TMEM163: variants seen among roughly 807,000 people sequenced by gnomAD.
TMEM163 encodes transmembrane protein 163.
TMEM163 carries 17 observed loss-of-function variants against 29.3 expected under a neutral mutation model. The ratio of observed to expected loss-of-function variants is 0.58; its 90% confidence interval spans 0.40 to 0.87. The LOEUF is 0.87. Ranked by LOEUF, TMEM163 falls within the 40% of genes least tolerant of loss-of-function variation. TMEM163 has a pLI of 0.00. For missense variants in TMEM163, 303 were observed against 381.5 expected (o/e 0.79, Z 1.71); for synonymous variants, 157 against 160.6 (o/e 0.98, Z 0.17).
Position 134,529,509 on chromosome 2 carries a change from G to A in TMEM163, c.458+21061C>T, listed in dbSNP as rs1333913075. Among the ~76,000 whole-genome samples, 5 of 151,664 alleles carry A rather than the reference G, an allele frequency of 3.3e-5. No homozygotes were observed. The East Asian group carries it at 9.8e-4, about 30-fold the overall frequency. On this transcript the variant is annotated intron_variant, in intron 4 of 7. Coordinates refer to ENST00000281924, the MANE Select transcript of TMEM163 (RefSeq NM_030923.5). ...CACATCTGTAATTCAGCACTTTGGG[G>A]GGTCAAGGCAGGTGGAATGATCTGA...
intron 2 of TMEM163, among the ~76,000 whole-genome samples, chr2:134,637,824 T>A (rs1401765228): frequency 6.6e-6 from 1 of 152,206 alleles, no homozygotes; most frequent in Non-Finnish European, 1.5e-5. Context: ...ATTAGAAGTG[T>A]TTTGGGTCTT....
chr2:134,551,903 T>C (rs1680937512), intron 3 of TMEM163, 145 bp downstream of exon 3: 1 of 637,162 alleles, frequency 1.6e-6, no homozygotes, highest in South Asian at 2.1e-5. Context: ...TTTTCATTTT[T>C]TAATAGAAGT....
At chr2:134,617,666 G>A (rs989049767) in intron 2 of TMEM163, among the ~76,000 whole-genome samples, 1 of 102,588 alleles carries the variant, frequency 9.7e-6, no homozygotes, top group Non-Finnish European at 2.0e-5. Context: ...AATATACAAA[G>A]CAATACAGAA....
At chr2:134,483,131 C>G (rs537284888) in intron 5 of TMEM163, among the ~76,000 whole-genome samples, 3 of 152,326 alleles carry the variant, frequency 2.0e-5, no homozygotes, top group Non-Finnish European at 4.4e-5. Context: ...GCTGCCTCTT[C>G]CAAGACATAG....
chr2:134,718,771 G>C lies in TMEM163; in HGVS notation c.165C>G (p.Ser55Arg). 2 of 1,154,030 alleles carry C rather than the reference G, an allele frequency of 1.7e-6. No homozygotes were observed. The highest frequency in any genetic ancestry group is 2.1e-6 in the Non-Finnish European group (2 of 938,254). 71.5% of individuals were successfully genotyped at this position (1,154,030 alleles called of 1,614,324 possible). A position where few individuals can be genotyped will look rare whatever the true frequency, so the allele number is the denominator to read the frequency against. The change falls in exon 1 of 8, where the codon AGC becomes AGG. Residue 55 changes from serine (S) to arginine (R), a missense_variant. Transcript: ENST00000281924. ...QLEEERQVRI[S>R]ESGQFSDGLE... ...GCCCGTCGCTGAACTGGCCGCTCTCGCTGATCCGCACCTGCCGCTCCTCCT... is the reference window on the plus strand; with the variant it reads ...GCCCGTCGCTGAACTGGCCGCTCTCCCTGATCCGCACCTGCCGCTCCTCCT...
At chr2:134,681,429 C>G (rs1460938263) in intron 2 of TMEM163, among the ~76,000 whole-genome samples, 1 of 152,202 alleles carries the variant, frequency 6.6e-6, no homozygotes, top group Non-Finnish European at 1.5e-5. Flanking sequence ...CAACCACTGG[C>G]AATTGCCCAG....
chr2:134,673,823 A>G (rs1309607502), intron 2 of TMEM163, among the ~76,000 whole-genome samples: 1 of 152,220 alleles, frequency 6.6e-6, no homozygotes, highest in Non-Finnish European at 1.5e-5. Flanking sequence ...ACTTTAGCCT[A>G]CTGAGGCTGA....
intron 5 of TMEM163, among the ~76,000 whole-genome samples, chr2:134,476,234 A>G (rs1686909383): frequency 1.3e-5 from 2 of 152,236 alleles, no homozygotes. Flanking sequence ...ACAAGAGACT[A>G]AATACTGAAC....
At chr2:134,483,436 G>T (rs1413646388) in intron 5 of TMEM163, among the ~76,000 whole-genome samples, 2 of 152,078 alleles carry the variant, frequency 1.3e-5, no homozygotes, top group African/African-American at 4.8e-5. Context: ...CCCTGCATTG[G>T]TATGAACACC....
intron 2 of TMEM163, among the ~76,000 whole-genome samples, chr2:134,613,970 G>C (rs1004255590): frequency 2.0e-5 from 3 of 152,006 alleles, no homozygotes; most frequent in African/African-American, 4.8e-5. Context: ...TGTAGATATA[G>C]ACAGGTTATT....
At chr2:134,662,696 A>T (rs1403861140) in intron 2 of TMEM163, among the ~76,000 whole-genome samples, 3 of 152,212 alleles carry the variant, frequency 2.0e-5, no homozygotes, top group Non-Finnish European at 4.4e-5. Flanking sequence ...ATCCCTTGAC[A>T]TTGCTGACCT....
chr2:134,592,811 AC>A (rs1388708300), intron 2 of TMEM163, among the ~76,000 whole-genome samples: 8 of 151,304 alleles, frequency 5.3e-5, no homozygotes, highest in South Asian at 4.2e-4. Flanking sequence ...AGATAGATAG[AC>A]TATCTCTCCC....
At chr2:134,639,815 T>C (rs1187674193) in intron 2 of TMEM163, among the ~76,000 whole-genome samples, 2 of 152,248 alleles carry the variant, frequency 1.3e-5, no homozygotes, top group Non-Finnish European at 2.9e-5. Flanking sequence ...ATATGCCCCA[T>C]GTCTCCCAGG....
chr2:134,610,991 A>G (rs1252016442), intron 2 of TMEM163, among the ~76,000 whole-genome samples: 1 of 152,224 alleles, frequency 6.6e-6, no homozygotes, highest in Non-Finnish European at 1.5e-5. Flanking sequence ...TCACACAACT[A>G]GCACATAGAA....
chr2:134,514,624 G>C (rs565218443), intron 4 of TMEM163, among the ~76,000 whole-genome samples: 1 of 152,228 alleles, frequency 6.6e-6, no homozygotes, highest in South Asian at 2.1e-4. Flanking sequence ...GTCGTCAAAA[G>C]AAAACAAGGA....
chr2:134,627,605 A>AAAAATGTG (rs1682881295), intron 2 of TMEM163, among the ~76,000 whole-genome samples: 1 of 152,220 alleles, frequency 6.6e-6, no homozygotes, highest in African/African-American at 2.4e-5. Context: ...CAATTAGCTA[A>AAAAATGTG]CTATGGCCTA....
At chr2:134,683,285 T>C (rs543974008) in intron 2 of TMEM163, among the ~76,000 whole-genome samples, 1 of 152,224 alleles carries the variant, frequency 6.6e-6, no homozygotes, top group Admixed American at 6.5e-5. Context: ...TCATCAAGTG[T>C]AACAAATGCA....
At chr2:134,498,552 G>T (rs577469271) in intron 5 of TMEM163, among the ~76,000 whole-genome samples, 1 of 151,886 alleles carries the variant, frequency 6.6e-6, no homozygotes, top group South Asian at 2.1e-4. Flanking sequence ...GGCTGGTCTC[G>T]AACTCCTGGC....
At chr2:134,595,687 C>A (rs1031916412) in intron 2 of TMEM163, among the ~76,000 whole-genome samples, 2 of 152,212 alleles carry the variant, frequency 1.3e-5, no homozygotes, top group African/African-American at 4.8e-5. Flanking sequence ...TGAGGAATCG[C>A]CACACTGTCT....
Sources: allele counts gnomAD v4.1 joint callset (sites outside exome capture counted in the v4.1 genomes callset), GRCh38; gene constraint gnomAD v4.1.1; transcripts MANE v1.5; gene names NCBI Gene and HGNC (gene_info 2026-07-23, HGNC 2026-07-21).